The following MEGF6 variants were observed in gnomAD, a reference collection of about 807,000 sequenced individuals.
MEGF6 encodes the protein multiple epidermal growth factor-like domains protein 6.
Under a neutral mutation model 207.1 loss-of-function variants are expected in MEGF6, and 184 were observed. The observed-to-expected ratio is 0.89, with a 90% confidence interval of 0.79 to 1.00. MEGF6 has a LOEUF of 1.00. MEGF6 is among the 50% of genes least tolerant of loss of function. The pLI is 0.00. For missense variants in MEGF6, 2,282 were observed against 2,202.9 expected (o/e 1.04, Z -0.72); for synonymous variants, 1,038 against 910.0 (o/e 1.14, Z -2.53).
rs560240819 is a variant in MEGF6 at position 3,501,692 on chromosome 1, C to A, written c.2314+104G>T. On this transcript the variant is annotated intron_variant, in intron 18 of 36. Coordinates refer to ENST00000356575, the MANE Select transcript of MEGF6 (RefSeq NM_001409.4). The stretch of plus-strand genomic sequence containing the variant: ...TGTGAGCTCTCACACCTGCTATAGA[C>A]GGGCCTGGGATCCGCAGGGCTGGGG... The A allele has an allele frequency of 3.5e-5, 51 of 1,437,212 alleles. No individual in the cohort carries two copies. In the African/African-American group the frequency reaches 7.0e-4, roughly 20 times the overall value. The allele number at this position is 1,437,212 out of a possible 1,614,324, so 89.0% of individuals were successfully genotyped here.
At chr1:3,502,597 G>A (rs573677280) in intron 17 of MEGF6, among the ~76,000 whole-genome samples, 5 of 152,276 alleles carry the variant, frequency 3.3e-5, no homozygotes, top group African/African-American at 9.6e-5. Flanking sequence ...CACCCGGCAG[G>A]TGAATGAGAC....
At chr1:3,513,562 G>A (rs969080179) in intron 7 of MEGF6, among the ~76,000 whole-genome samples, 2 of 141,304 alleles carry the variant, frequency 1.4e-5, no homozygotes, top group African/African-American at 2.6e-5. Flanking sequence ...ACAGGTGTGA[G>A]CCACCACACC....
At chr1:3,536,780 C>T (rs1437195696) in intron 4 of MEGF6, among the ~76,000 whole-genome samples, 1 of 152,226 alleles carries the variant, frequency 6.6e-6, no homozygotes, top group Non-Finnish European at 1.5e-5. Context: ...CAGGCCAGAT[C>T]GAGGGCCAGT....
At position 3,490,361 on chromosome 1, in the gene MEGF6, C is replaced by T; in HGVS notation, c.*167G>A. The T allele has an allele frequency of 1.4e-6, 1 of 725,796 alleles. No individual in the cohort carries two copies. Among genetic ancestry groups the T allele is most frequent in the Non-Finnish European group, 2.2e-6 (1 of 447,528 alleles). 45.0% of individuals were successfully genotyped at this position (725,796 alleles called of 1,614,324 possible). On this transcript the variant is annotated 3_prime_UTR_variant, in exon 37 of 37. Coordinates refer to ENST00000356575, the MANE Select transcript of MEGF6 (RefSeq NM_001409.4). The stretch of plus-strand genomic sequence containing the variant: ...GCTTCCCTCCTCAAGGCCACACCAG[C>T]CTCCAAGAGCGACAGGTTGCTGGGC...
chr1:3,584,159 C>T (rs982222144), intron 3 of MEGF6, among the ~76,000 whole-genome samples: 1 of 152,238 alleles, frequency 6.6e-6, no homozygotes, highest in Non-Finnish European at 1.5e-5. Flanking sequence ...TTGGGGAGGG[C>T]ATGGCGGCAT....
At position 3,488,327 on chromosome 1, in the gene MEGF6, G is replaced by A. The variant is rs575719312; in HGVS notation, c.*2201C>T. Among the ~76,000 whole-genome samples, 1 of 152,318 alleles carries A rather than the reference G, an allele frequency of 6.6e-6. No individual in the cohort carries two copies. The highest frequency in any genetic ancestry group is 2.1e-4 in the South Asian group (1 of 4,826). Reference sequence around the variant, plus strand: ...TATGGCTTCCGTAGCTGAACACTGTGTCTTCACTGAGCGGGATGAGTGATT... The same window carrying A: ...TATGGCTTCCGTAGCTGAACACTGTATCTTCACTGAGCGGGATGAGTGATT... On this transcript the variant is annotated 3_prime_UTR_variant, in exon 37 of 37. Coordinates refer to ENST00000356575, the MANE Select transcript of MEGF6 (RefSeq NM_001409.4).
chr1:3,531,179 G>A (rs1207363700), intron 4 of MEGF6: 4 of 1,522,236 alleles, frequency 2.6e-6, no homozygotes, highest in Non-Finnish European at 3.5e-6. Context: ...CCCGCGACGC[G>A]CGCCAGGCCC....
At chr1:3,519,677 C>T (rs1431028941) in intron 5 of MEGF6, among the ~76,000 whole-genome samples, 1 of 152,242 alleles carries the variant, frequency 6.6e-6, no homozygotes, top group South Asian at 2.1e-4. Flanking sequence ...CTCCAGCACA[C>T]CAGGCGGCGG....
chr1:3,567,697 A>T (rs1300053017), intron 4 of MEGF6, among the ~76,000 whole-genome samples: 1 of 152,112 alleles, frequency 6.6e-6, no homozygotes, highest in Non-Finnish European at 1.5e-5. Context: ...CCAGAGCGTC[A>T]CCCTGCAGGC....
At chr1:3,514,502 T>C in intron 7 of MEGF6, 48 bp downstream of exon 7, 1 of 1,544,654 alleles carries the variant, frequency 6.5e-7, no homozygotes, top group South Asian at 1.2e-5. Flanking sequence ...AGCACCTGGG[T>C]GCGCTTTCTG....
chr1:3,539,374 G>A lies in MEGF6; in HGVS notation c.482-15128C>T, dbSNP rs551588782. Reference sequence around the variant, plus strand: ...TGGGAGATAAAAGTAGAGGGAACACGACGGGAGAGGGGGAGGCTCAGGGGG... The same window carrying A: ...TGGGAGATAAAAGTAGAGGGAACACAACGGGAGAGGGGGAGGCTCAGGGGG... On this transcript the variant is annotated intron_variant, in intron 4 of 36. Transcript: ENST00000356575. Among the ~76,000 whole-genome samples, 66 of 152,158 alleles carry A rather than the reference G, an allele frequency of 4.3e-4. 1 individual carries two copies. Among genetic ancestry groups the A allele is most frequent in the Admixed American group, 4.3e-3 (66 of 15,284 alleles).
chr1:3,540,175 A>G (rs940012287), intron 4 of MEGF6, among the ~76,000 whole-genome samples: 11 of 152,190 alleles, frequency 7.2e-5, no homozygotes, highest in African/African-American at 2.4e-4. Flanking sequence ...CTGACGCTGA[A>G]GGCTATTATT....
At chr1:3,500,459 G>A (rs369111280) in intron 21 of MEGF6, among the ~76,000 whole-genome samples, 174 bp downstream of exon 21, 12 of 152,392 alleles carry the variant, frequency 7.9e-5, no homozygotes, top group East Asian at 7.7e-4. Flanking sequence ...GCGCATGTGC[G>A]TGCCTGCACG....
At chr1:3,595,544 G>GCTCTCACTGCACCCCT in intron 2 of MEGF6, 97 bp from the exon 3 acceptor site, 1 of 1,040,226 alleles carries the variant, frequency 9.6e-7, no homozygotes. Flanking sequence ...GCGTCAGCCG[G>GCTCTCACTGCACCCCT]GTTCCCGGCG....
In MEGF6 at chr1:3,498,802, T is replaced by G. The variant is rs1640725923; in HGVS notation, c.3119A>C (p.Asp1040Ala). The change falls in exon 25 of 37, where the codon GAC (aspartate) becomes GCC (alanine). Residue 1040 changes from aspartate (D) to alanine (A), a missense_variant. Coordinates refer to ENST00000356575, the MANE Select transcript of MEGF6 (RefSeq NM_001409.4). ...LQACPAGLYG[D>A]NCRHSCLCQN... Reference sequence around the variant, plus strand: ...GCAGAGGCAGGAATGCCGACAGTTGTCGCCGTACAGGCCGGCAGGGCAGGC... The same window carrying G: ...GCAGAGGCAGGAATGCCGACAGTTGGCGCCGTACAGGCCGGCAGGGCAGGC... 2 of 1,554,994 alleles carry G rather than the reference T, an allele frequency of 1.3e-6. No homozygotes were observed. Among genetic ancestry groups the G allele is most frequent in the Admixed American group, 1.9e-5 (1 of 51,694 alleles).
rs377167762 is a variant in MEGF6 at position 3,579,868 on chromosome 1, C to T, written c.438G>A (p.Pro146=). The change falls in exon 4 of 37, where the codon CCG becomes CCA. Residue 146 remains proline, a synonymous_variant. Coordinates refer to ENST00000356575, the MANE Select transcript of MEGF6 (RefSeq NM_001409.4). ...GGRCVPGSAQ[P]CHCPPGFQGP... ...CCTGGAAGCCGGGGGGACAGTGACA[C>T]GGCTGGGCTGAGCCTGGCACACAAC... 4.1e-5 allele frequency: 63 copies of T among 1,543,166 alleles called. No homozygotes were observed. Among genetic ancestry groups the T allele is most frequent in the Middle Eastern group, 1.8e-4 (1 of 5,572 alleles).
intron 4 of MEGF6, among the ~76,000 whole-genome samples, chr1:3,528,810 G>A (rs916523014): frequency 2.0e-5 from 3 of 152,168 alleles, no homozygotes; most frequent in Non-Finnish European, 4.4e-5. Flanking sequence ...CCTCCAGAAG[G>A]AGCACAGCCC....
intron 2 of MEGF6, among the ~76,000 whole-genome samples, chr1:3,595,899 G>A (rs1363459465): frequency 6.6e-5 from 10 of 152,146 alleles, no homozygotes; most frequent in East Asian, 5.8e-4. Flanking sequence ...CATGGTGCCC[G>A]GGACCGGGTG....
chr1:3,517,750 T>A (rs957352653), intron 5 of MEGF6, among the ~76,000 whole-genome samples: 1 of 152,180 alleles, frequency 6.6e-6, no homozygotes, highest in Non-Finnish European at 1.5e-5. Context: ...CAAAGCTGAG[T>A]GTGCCCATCA....
Sources: allele counts gnomAD v4.1 joint callset (sites outside exome capture counted in the v4.1 genomes callset), GRCh38; gene constraint gnomAD v4.1.1; transcripts MANE v1.5; gene names NCBI Gene and HGNC (gene_info 2026-07-23, HGNC 2026-07-21).